Variants in SMIM35 observed in about 807,000 individuals in gnomAD.
The protein encoded by SMIM35 is small integral membrane protein 35.
At chr11:118,021,156 T>C (rs2058227833) in intron 1 of SMIM35, among the ~76,000 whole-genome samples, 1 of 152,118 alleles carries the variant, frequency 6.6e-6, no homozygotes, top group Non-Finnish European at 1.5e-5. Flanking sequence ...TGTTTTCATC[T>C]AACTCATGAA....
intron 1 of SMIM35, among the ~76,000 whole-genome samples, chr11:118,071,482 C>G (rs1289387212): frequency 6.6e-6 from 1 of 152,102 alleles, no homozygotes; most frequent in Non-Finnish European, 1.5e-5. Flanking sequence ...TCCTGTTGGC[C>G]CCTGTAAAAA....
chr11:118,048,858 C>G (rs1038564903), intron 1 of SMIM35, among the ~76,000 whole-genome samples: 35 of 143,274 alleles, frequency 2.4e-4, no homozygotes, highest in African/African-American at 8.2e-4. Context: ...TGTCACAGGT[C>G]CTGGGCCAGG....
At chr11:118,046,621 C>T (rs1944100367) in intron 1 of SMIM35, among the ~76,000 whole-genome samples, 1 of 152,198 alleles carries the variant, frequency 6.6e-6, no homozygotes, top group Admixed American at 6.5e-5. Flanking sequence ...GCAGCTGTTC[C>T]CAAATTCTTC....
intron 1 of SMIM35, among the ~76,000 whole-genome samples, chr11:118,032,210 T>C (rs2058325689): frequency 6.6e-6 from 1 of 152,200 alleles, no homozygotes; most frequent in Non-Finnish European, 1.5e-5. Flanking sequence ...AATTGTATCC[T>C]TTTGCTGTAA....
chr11:118,019,992 G>A (rs1043263666), intron 1 of SMIM35, among the ~76,000 whole-genome samples: 2 of 152,118 alleles, frequency 1.3e-5, no homozygotes, highest in African/African-American at 4.8e-5. Flanking sequence ...GGCTGGGCAT[G>A]GTGTCTCACG....
intron 1 of SMIM35, among the ~76,000 whole-genome samples, chr11:118,064,540 T>C (rs948667762): frequency 2.0e-5 from 3 of 152,226 alleles, no homozygotes; most frequent in Non-Finnish European, 1.5e-5. Context: ...TCCCTCAGCC[T>C]CCTGAGTAGC....
At chr11:118,084,841 G>T (rs994723886) in intron 1 of SMIM35, among the ~76,000 whole-genome samples, 3 of 152,172 alleles carry the variant, frequency 2.0e-5, no homozygotes, top group Admixed American at 2.0e-4. Flanking sequence ...TTATTAACTT[G>T]CTCAAGACTT....
At chr11:118,061,763 A>T (rs1411476045) in intron 1 of SMIM35, among the ~76,000 whole-genome samples, 1 of 151,466 alleles carries the variant, frequency 6.6e-6, no homozygotes, top group Non-Finnish European at 1.5e-5. Flanking sequence ...CTCTTTGGTG[A>T]CTCTTTCACT....
intron 1 of SMIM35, among the ~76,000 whole-genome samples, chr11:118,055,880 G>T (rs989546307): frequency 3.9e-5 from 6 of 152,026 alleles, no homozygotes; most frequent in African/African-American, 1.4e-4. Flanking sequence ...AGGTAAACAT[G>T]GGGGCTTGGA....
chr11:118,028,169 C>A (rs908640570), intron 1 of SMIM35, among the ~76,000 whole-genome samples: 1 of 152,212 alleles, frequency 6.6e-6, no homozygotes, highest in African/African-American at 2.4e-5. Context: ...TTGCTTCCTT[C>A]CATATGACTG....
chr11:118,008,127 C>T (rs927681904), intron 4 of SMIM35, among the ~76,000 whole-genome samples: 2 of 152,090 alleles, frequency 1.3e-5, no homozygotes, highest in African/African-American at 2.4e-5. Context: ...GCCTTGGCTT[C>T]CCAAAGTGCT....
At chr11:118,014,891 C>T (rs1217800123) in intron 2 of SMIM35, 150 bp from the exon 3 acceptor site, 1 of 396,630 alleles carries the variant, frequency 2.5e-6, no homozygotes, top group African/African-American at 2.1e-5. Flanking sequence ...ATTCCAGCCT[C>T]CTTCAGGGCC....
intron 1 of SMIM35, among the ~76,000 whole-genome samples, chr11:118,018,851 CT>C (rs550684814): frequency 4.6e-5 from 7 of 151,914 alleles, no homozygotes; most frequent in African/African-American, 7.3e-5. Context: ...ATTCTTTAGT[CT>C]TTTTTTTAAT....
chr11:118,033,132 G>A (rs901606375), intron 1 of SMIM35, among the ~76,000 whole-genome samples: 1 of 152,202 alleles, frequency 6.6e-6, no homozygotes. Flanking sequence ...TTTGGTAGCA[G>A]AAAGTCTTTA....
intron 4 of SMIM35, among the ~76,000 whole-genome samples, chr11:118,007,012 A>T (rs767668627): frequency 7.9e-5 from 12 of 152,118 alleles, no homozygotes; most frequent in Non-Finnish European, 1.3e-4. Flanking sequence ...ATCAGACATG[A>T]TCCTTCTCCT....
At chr11:118,071,644 A>C (rs976754255) in intron 1 of SMIM35, among the ~76,000 whole-genome samples, 2 of 152,112 alleles carry the variant, frequency 1.3e-5, no homozygotes, top group East Asian at 1.9e-4. Context: ...AACTGATCTC[A>C]ATTTACTTGG....
intron 1 of SMIM35, among the ~76,000 whole-genome samples, chr11:118,069,703 C>G (rs1032956689): frequency 6.6e-6 from 1 of 152,104 alleles, no homozygotes; most frequent in Non-Finnish European, 1.5e-5. Flanking sequence ...TATTAGGCCA[C>G]GAGGGCACAG....
chr11:118,029,603 A>G (rs1194506794), intron 1 of SMIM35: 5 of 456,400 alleles, frequency 1.1e-5, no homozygotes, highest in Non-Finnish European at 2.2e-5. Flanking sequence ...TCTTATTGTC[A>G]TATCACTGTC....
At chr11:118,048,946 C>CGGAAAAAAAAAAAAAAAAAA (rs1944158354) in intron 1 of SMIM35, among the ~76,000 whole-genome samples, 1 of 60,490 alleles carries the variant, frequency 1.7e-5, no homozygotes, top group Admixed American at 2.0e-4. Context: ...TGAAGAGCTG[C>CGGAAAAAAAAAAAAAAAAAA]AAAAAAAAAA....
Sources: gnomAD v4.1 joint callset for allele counts (sites outside exome capture counted in the v4.1 genomes callset) on GRCh38, gnomAD v4.1.1 for gene constraint, MANE v1.5 for transcripts, NCBI Gene and HGNC (gene_info 2026-07-23, HGNC 2026-07-21) for gene names.